Variants in ZNF676 observed in about 807,000 individuals in gnomAD.
ZNF676 encodes zinc finger protein 676.
ZNF676 carries 4 observed loss-of-function variants against 6.0 expected under a neutral mutation model. The ratio of observed to expected loss-of-function variants is 0.67; its 90% CI spans 0.33 to 1.53. ZNF676 has a LOEUF of 1.53. ZNF676 is among the 40% of genes most tolerant of loss of function. The pLI, the probability that ZNF676 is intolerant of heterozygous loss-of-function variation, is 0.06. For synonymous variants in ZNF676, 198 were observed against 223.1 expected (o/e 0.89, Z 1.00); for missense variants, 644 against 679.7 (o/e 0.95, Z 0.58).
the ZNF676 span, among the ~76,000 whole-genome samples, chr19:22,241,982 G>A: frequency 6.6e-6 from 1 of 151,972 alleles, no homozygotes; most frequent in African/African-American, 2.4e-5. Context: ...TCTGTGTGCT[G>A]GGCCTGTGAT....
At chr19:22,255,706 G>A in the ZNF676 span, among the ~76,000 whole-genome samples, 9 of 151,936 alleles carry the variant, frequency 5.9e-5, no homozygotes, top group Non-Finnish European at 8.8e-5. Flanking sequence ...TTAGCCAGGC[G>A]TGGTGGCGGG....
At chr19:22,234,164 G>A in the ZNF676 span, among the ~76,000 whole-genome samples, 1 of 152,172 alleles carries the variant, frequency 6.6e-6, no homozygotes, top group Admixed American at 6.5e-5. Context: ...TTTCAGGGAT[G>A]TCCTAGAAAG....
chr19:22,210,118 C>G (rs1304203512), intron 1 of ZNF676, among the ~76,000 whole-genome samples: 1 of 152,166 alleles, frequency 6.6e-6, no homozygotes, highest in South Asian at 2.1e-4. Context: ...GTGTGACAGC[C>G]TGTGTAGAGG....
At chr19:22,213,791 A>G (rs2024156369) in intron 1 of ZNF676, among the ~76,000 whole-genome samples, 1 of 152,134 alleles carries the variant, frequency 6.6e-6, no homozygotes, top group Admixed American at 6.5e-5. Flanking sequence ...TATTCACTAG[A>G]TACTCTTGCA....
chr19:22,211,180 A>T (rs1414420036), intron 1 of ZNF676, among the ~76,000 whole-genome samples: 1 of 151,916 alleles, frequency 6.6e-6, no homozygotes, highest in Non-Finnish European at 1.5e-5. Context: ...TATCTTCAAT[A>T]AGACACTCCC....
chr19:22,238,049 T>C, the ZNF676 span, among the ~76,000 whole-genome samples: 4 of 151,944 alleles, frequency 2.6e-5, no homozygotes, highest in Non-Finnish European at 5.9e-5. Flanking sequence ...AATGCCTGAG[T>C]TCATCATTTT....
chr19:22,248,649 A>G, the ZNF676 span, among the ~76,000 whole-genome samples: 1 of 152,086 alleles, frequency 6.6e-6, no homozygotes, highest in African/African-American at 2.4e-5. Context: ...TGCCTCAGGC[A>G]ATGCTTTTCT....
rs201369122 is a variant in ZNF676 at position 22,180,293 on chromosome 19, T to G, written c.1424A>C (p.Lys475Thr). The G allele has an allele frequency of 6.2e-7, 1 of 1,613,816 alleles. No homozygotes were observed. The highest frequency in any genetic ancestry group is 1.1e-5 in the South Asian group (1 of 91,044). Residue 475 changes from lysine to threonine, a missense_variant, in exon 3 of 3, where the codon AAA becomes ACA. Physicochemically the swap from Lys to Thr is moderately conservative, Grantham distance 78. Around this residue, in one of 5 missense-constraint regions of ZNF676, gnomAD observed 306 missense variants for 265.4 expected, o/e 1.15. Transcript: ENST00000397121. ...GCCACATTCTTCACATTTGTAAGGT[T>G]TCTCTGCAGCATGAATTCTCTTGTG... ...TKHKRIHAAE[K>T]PYKCEECGKG...
At chr19:22,245,988 A>G in the ZNF676 span, among the ~76,000 whole-genome samples, 1 of 152,104 alleles carries the variant, frequency 6.6e-6, no homozygotes, top group Non-Finnish European at 1.5e-5. Flanking sequence ...CCCAGGCAGG[A>G]GGCTCTCGTG....
intron 2 of ZNF676, among the ~76,000 whole-genome samples, chr19:22,183,764 T>C (rs2023793963): frequency 6.6e-6 from 1 of 152,168 alleles, no homozygotes; most frequent in Non-Finnish European, 1.5e-5. Flanking sequence ...ATTAGTCAAG[T>C]GAGAGCAGAA....
At chr19:22,233,364 G>A in the ZNF676 span, among the ~76,000 whole-genome samples, 1 of 151,806 alleles carries the variant, frequency 6.6e-6, no homozygotes, top group African/African-American at 2.4e-5. Flanking sequence ...TATTTTGGAT[G>A]GGAATGTATT....
At chr19:22,224,002 T>G in the ZNF676 span, among the ~76,000 whole-genome samples, 1 of 151,842 alleles carries the variant, frequency 6.6e-6, no homozygotes, top group African/African-American at 2.4e-5. Context: ...TTTTCTTTAG[T>G]GCTTATTTAT....
chr19:22,253,485 CAT>C, the ZNF676 span, among the ~76,000 whole-genome samples: 7 of 119,560 alleles, frequency 5.9e-5, no homozygotes, highest in Admixed American at 9.5e-5. Flanking sequence ...TGATAATTTG[CAT>C]ATATATATGA....
At chr19:22,236,445 C>T in the ZNF676 span, among the ~76,000 whole-genome samples, 1 of 152,160 alleles carries the variant, frequency 6.6e-6, no homozygotes, top group Non-Finnish European at 1.5e-5. Context: ...ATCAATGTCA[C>T]CTCAGAGCCA....
chr19:22,235,091 AG>A, the ZNF676 span, among the ~76,000 whole-genome samples: 65 of 140,610 alleles, frequency 4.6e-4, 2 homozygotes, highest in African/African-American at 1.7e-3. Context: ...GCAGGAAGGC[AG>A]GAAGAAGGAA....
upstream of ZNF676, among the ~76,000 whole-genome samples, chr19:22,199,431 G>A (rs113296199): frequency 0.025 from 3,822 of 152,258 alleles, 53 homozygotes; most frequent in Admixed American, 0.028. Flanking sequence ...GGAAAACAAC[G>A]TGTGCACATG....
the ZNF676 span, among the ~76,000 whole-genome samples, chr19:22,257,674 G>A: frequency 1.3e-5 from 2 of 152,178 alleles, no homozygotes; most frequent in African/African-American, 4.8e-5. Context: ...TAGGTGCTGG[G>A]CCCAGTGATA....
chr19:22,246,237 A>C, the ZNF676 span, among the ~76,000 whole-genome samples: 6 of 152,294 alleles, frequency 3.9e-5, no homozygotes, highest in South Asian at 2.1e-4. Flanking sequence ...AGTCTCATCA[A>C]CTAGGTTTTA....
Sources: allele counts gnomAD v4.1 joint callset (sites outside exome capture counted in the v4.1 genomes callset), GRCh38; gene constraint gnomAD v4.1.1; regional missense constraint gnomAD v4.1.1; transcripts MANE v1.5; gene names NCBI Gene and HGNC (gene_info 2026-07-23, HGNC 2026-07-21).